The following HCK variants were observed in gnomAD, a reference collection of about 807,000 sequenced individuals.
HCK encodes tyrosine-protein kinase HCK.
A neutral mutation model predicts 70.4 loss-of-function variants in HCK; 40 were observed. The observed-to-expected ratio is 0.57, with a 90% CI of 0.44 to 0.74. HCK has a LOEUF of 0.74. HCK is among the 30% of genes least tolerant of loss of function. The pLI is 0.00. For synonymous variants in HCK, 245 were observed against 263.2 expected (o/e 0.93, Z 0.67); for missense variants, 568 against 697.2 (o/e 0.81, Z 2.09).
intron 11 of HCK, among the ~76,000 whole-genome samples, chr20:32,094,819 A>AAGAGAAAG (rs2045929869): frequency 6.8e-6 from 1 of 146,162 alleles, no homozygotes; most frequent in Non-Finnish European, 1.5e-5. Flanking sequence ...GAAAGAAAGA[A>AAGAGAAAG]AGAAAGAAAG....
intron 5 of HCK, among the ~76,000 whole-genome samples, chr20:32,077,940 C>T (rs1455050931): frequency 2.0e-5 from 3 of 152,196 alleles, no homozygotes; most frequent in Admixed American, 2.0e-4. Flanking sequence ...TGAAGCGAAT[C>T]TCCTGGTGTA....
At chr20:32,063,833 C>T (rs1857775327) in intron 1 of HCK, among the ~76,000 whole-genome samples, 1 of 151,368 alleles carries the variant, frequency 6.6e-6, no homozygotes, top group South Asian at 2.1e-4. Flanking sequence ...ACTGGAAAAT[C>T]CCTGAGATAT....
chr20:32,059,293 T>TTCCCTCCC (rs1555874052), intron 1 of HCK, among the ~76,000 whole-genome samples: 6 of 149,040 alleles, frequency 4.0e-5, no homozygotes, highest in South Asian at 2.1e-4. Context: ...CCTTCCTTCC[T>TTCCCTCCC]TCCCTCCCTC....
chr20:32,099,185 A>G, intron 12 of HCK, 50 bp downstream of exon 12: 1 of 1,589,456 alleles, frequency 6.3e-7, no homozygotes, highest in Non-Finnish European at 8.6e-7. Context: ...CAGTCTGGCA[A>G]TGGGCTCATC....
At chr20:32,063,767 A>T (rs6089158) in intron 1 of HCK, among the ~76,000 whole-genome samples, 16,885 of 151,510 alleles carry the variant, frequency 0.11, 1,499 homozygotes, top group African/African-American at 0.24. Context: ...AGACTCTTTG[A>T]TGTTTAAAGG....
chr20:32,088,729 T>C (rs2045824703), intron 10 of HCK, 85 bp downstream of exon 10: 2 of 937,032 alleles, frequency 2.1e-6, no homozygotes, highest in Admixed American at 3.8e-5. Flanking sequence ...CATACTATGA[T>C]GATAGCAGTA....
intron 12 of HCK, among the ~76,000 whole-genome samples, chr20:32,099,391 T>G (rs2046002642): frequency 7.4e-6 from 1 of 134,536 alleles, no homozygotes; most frequent in East Asian, 2.4e-4. Flanking sequence ...GGAGTCTCCC[T>G]CTGTCACCCA....
intron 5 of HCK, among the ~76,000 whole-genome samples, chr20:32,075,281 C>T (rs905339238): frequency 6.6e-6 from 1 of 152,196 alleles, no homozygotes; most frequent in Non-Finnish European, 1.5e-5. Flanking sequence ...CAGCCTCAGC[C>T]TCCCTGGGCT....
intron 1 of HCK, among the ~76,000 whole-genome samples, chr20:32,059,961 G>T (rs1323826788): frequency 6.6e-6 from 1 of 152,100 alleles, no homozygotes; most frequent in African/African-American, 2.4e-5. Flanking sequence ...AATGTAAAAG[G>T]ATCAGCGCCT....
intron 1 of HCK, among the ~76,000 whole-genome samples, chr20:32,056,853 TA>T (rs1322503127): frequency 6.6e-6 from 1 of 152,112 alleles, no homozygotes; most frequent in Non-Finnish European, 1.5e-5. Context: ...GTTTGTCCTA[TA>T]AACCACTGTA....
chr20:32,095,401 G>A (rs372214356), intron 11 of HCK, among the ~76,000 whole-genome samples: 1 of 151,972 alleles, frequency 6.6e-6, no homozygotes, highest in South Asian at 2.1e-4. Context: ...GATTACAGGC[G>A]CACACCACCA....
intron 1 of HCK, chr20:32,054,337 C>T: frequency 2.2e-6 from 1 of 455,568 alleles, no homozygotes; most frequent in African/African-American, 2.0e-5. Context: ...GCTATCTATG[C>T]AGTGGTTCAT....
At chr20:32,057,365 C>T (rs1387356349) in intron 1 of HCK, among the ~76,000 whole-genome samples, 3 of 152,096 alleles carry the variant, frequency 2.0e-5, no homozygotes, top group East Asian at 3.9e-4. Context: ...TTTGGGAGGC[C>T]GAGACAGGCA....
rs964672807 is a variant in HCK at position 32,054,649 on chromosome 20, A to G, written c.62+2163A>G. 3.3e-5 allele frequency among the ~76,000 whole-genome samples: 5 copies of G among 151,614 alleles called. 1 individual carries two copies. Among genetic ancestry groups the G allele is most frequent in the Non-Finnish European group, 1.5e-5 (1 of 67,876 alleles). Reference sequence around the variant, plus strand: ...GGGAAACCCCGTCTCTACTAAAAATACAAAAAATTAGCCGGGCATGGTGGC... The same window carrying G: ...GGGAAACCCCGTCTCTACTAAAAATGCAAAAAATTAGCCGGGCATGGTGGC... On this transcript the variant is annotated intron_variant, in intron 1 of 12. Coordinates refer to ENST00000375852, the MANE Select transcript of HCK (RefSeq NM_002110.5).
intron 9 of HCK, among the ~76,000 whole-genome samples, chr20:32,087,996 A>G (rs1249899896): frequency 2.6e-5 from 4 of 152,078 alleles, no homozygotes; most frequent in Admixed American, 6.6e-5. Flanking sequence ...GCTGGTCTCA[A>G]ACTCCTGGGT....
rs780405467 is a variant in HCK at position 32,101,361 on chromosome 20, C to T, written c.1423C>T (p.Arg475Trp). 5.0e-6 allele frequency: 8 copies of T among 1,614,064 alleles called. No homozygotes were observed. Among genetic ancestry groups the T allele is most frequent in the Admixed American group, 1.7e-5 (1 of 59,998 alleles). The change falls in exon 13 of 13, where the codon CGG becomes TGG. Residue 475 changes from arginine to tryptophan, a missense_variant. Around this residue, in one of 4 missense-constraint regions of HCK, gnomAD observed 77 missense variants for 85.0 expected, o/e 0.91. Coordinates refer to ENST00000375852, the MANE Select transcript of HCK (RefSeq NM_002110.5). ...GATCCGAGCTCTGGAGCGTGGATAC[C>T]GGATGCCTCGCCCAGAGAACTGCCC...
intron 8 of HCK, among the ~76,000 whole-genome samples, 177 bp downstream of exon 8, chr20:32,084,720 A>G (rs1361688294): frequency 1.3e-5 from 2 of 152,208 alleles, no homozygotes; most frequent in Non-Finnish European, 2.9e-5. Flanking sequence ...CTTGCTGTGC[A>G]AACACTGATT....
At chr20:32,094,595 A>G (rs1461488102) in intron 11 of HCK, among the ~76,000 whole-genome samples, 2 of 151,654 alleles carry the variant, frequency 1.3e-5, no homozygotes, top group African/African-American at 4.9e-5. Flanking sequence ...GGTTAGGGTG[A>G]GAGGATCACT....
chr20:32,055,634 G>C (rs965803207), intron 1 of HCK, among the ~76,000 whole-genome samples: 3 of 151,980 alleles, frequency 2.0e-5, no homozygotes, highest in Admixed American at 6.6e-5. Flanking sequence ...CTTTTATATA[G>C]TTCAAAATTT....
Sources: allele counts gnomAD v4.1 joint callset (sites outside exome capture counted in the v4.1 genomes callset), GRCh38; gene constraint gnomAD v4.1.1; regional missense constraint gnomAD v4.1.1; transcripts MANE v1.5; gene names NCBI Gene and HGNC (gene_info 2026-07-23, HGNC 2026-07-21).